Variants in DECR2 observed in about 807,000 individuals in gnomAD.
The protein encoded by DECR2 is 2,4-dienoyl-CoA reductase 2, also known as peroxisomal 2,4-dienoyl-CoA reductase [(3E)-enoyl-CoA-producing].
In DECR2, 34 loss-of-function variants were observed where a neutral mutation model predicts 29.2. That is an observed-to-expected ratio of 1.16 (90% CI 0.89 to 1.55). DECR2 has a LOEUF of 1.55. DECR2 is among the 40% of genes most tolerant of loss of function. The probability of loss-of-function intolerance (pLI) is 0.00; values close to 1 mark genes in which losing one functional copy is unlikely to be tolerated. For synonymous variants in DECR2, 224 were observed against 182.7 expected, an observed-to-expected ratio of 1.23 and a Z score of -1.82; for missense variants, 485 against 425.3, an observed-to-expected ratio of 1.14 and a Z score of -1.23.
At position 410,668 on chromosome 16, in the gene DECR2, GC is replaced by G. The variant is rs1318679921; in HGVS notation, c.463-19del. The G allele has an allele frequency of 6.3e-6, 10 of 1,584,320 alleles. No homozygotes were observed. Among genetic ancestry groups the G allele is most frequent in the Non-Finnish European group, 8.6e-6 (10 of 1,166,268 alleles). On this transcript the variant is annotated intron_variant, in intron 5 of 8. Coordinates refer to ENST00000219481, the MANE Select transcript of DECR2 (RefSeq NM_020664.4). The surrounding 1 kb of genome is among the most constrained non-coding windows in gnomAD (Gnocchi z 4.1). ...CTCCCCCGACACCCGCCCGCTCACTGCCCCGGGCCTTGTGTGTTGCAGGACC... is the reference window on the plus strand; with the variant it reads ...CTCCCCCGACACCCGCCCGCTCACTGCCCGGGCCTTGTGTGTTGCAGGACC...
In DECR2 at chr16:410,836, C is replaced by G. The variant is rs754528043; in HGVS notation, c.556+52C>G. 10 of 1,529,840 alleles carry G rather than the reference C, an allele frequency of 6.5e-6. No homozygotes were observed. In the South Asian group the frequency reaches 7.2e-5, roughly 11 times the overall value. 94.8% of individuals were successfully genotyped at this position (1,529,840 alleles called of 1,614,324 possible). ...TTGCCCACGTGGGTCCCCAATGGGC[C>G]GTCTGCTTCCATCCCAGGAGGCCAG... is the stretch of plus-strand genomic sequence containing the variant. On this transcript the variant is annotated intron_variant, in intron 6 of 8. Coordinates refer to ENST00000219481, the MANE Select transcript of DECR2 (RefSeq NM_020664.4). This position sits in a 1 kb window ranked among gnomAD's most constrained non-coding sequence, Gnocchi z 4.1.
intron 4 of DECR2, among the ~76,000 whole-genome samples, chr16:408,824 C>T (rs1174332123): frequency 7.0e-6 from 1 of 143,300 alleles, no homozygotes; most frequent in Admixed American, 7.2e-5. Flanking sequence ...TAGAAGCTAG[C>T]CTGGCCTAGC....
At chr16:404,885 T>C (rs2141805362) in intron 1 of DECR2, 71 bp from the exon 2 acceptor site, 1 of 1,539,646 alleles carries the variant, frequency 6.5e-7, no homozygotes, top group Non-Finnish European at 8.9e-7. Flanking sequence ...ACCTTGGCCT[T>C]CCAAAGTGCT....
intron 3 of DECR2, 191 bp from the exon 4 acceptor site, chr16:407,234 A>G: frequency 7.1e-7 from 1 of 1,402,440 alleles, no homozygotes; most frequent in Non-Finnish European, 9.3e-7. Flanking sequence ...GTGGGGGGAG[A>G]GCGTGGCAGG....
At position 407,235 on chromosome 16, in the gene DECR2, G is replaced by C. The variant is rs577599030; in HGVS notation, c.202-190G>C. 5 of 1,408,326 alleles carry C rather than the reference G, an allele frequency of 3.6e-6. No individual in the cohort carries two copies. The East Asian group carries it at 7.7e-5, about 22-fold the overall frequency. 87.2% of individuals were successfully genotyped at this position (1,408,326 alleles called of 1,614,324 possible). ...AGGACAGGTGGCAGGTGGGGGGAGA[G>C]CGTGGCAGGTTCCCACAAACATCCA... On this transcript the variant is annotated intron_variant, in intron 3 of 8. Transcript: ENST00000219481.
chr16:408,737 A>T (rs1439373862), intron 4 of DECR2, among the ~76,000 whole-genome samples: 2 of 151,964 alleles, frequency 1.3e-5, no homozygotes, highest in African/African-American at 4.8e-5. Context: ...GGCCAGTCTC[A>T]AACTCCTAGG....
rs539210689 is a variant in DECR2 at position 402,905 on chromosome 16, A to G, written c.80+862A>G. ...GAGGCTGAGGCAGGAGAATCACTTG[A>G]ACTCGGGAGGTGGAGGTTGCAGTGA... On this transcript the variant is annotated intron_variant, in intron 1 of 8. Transcript: ENST00000219481. The G allele has an allele frequency of 7.1e-5, 25 of 352,456 alleles. No homozygotes were observed. In the South Asian group the frequency reaches 2.8e-3, roughly 39 times the overall value. The allele number at this position is 352,456 out of a possible 1,614,324, so 21.8% of individuals were successfully genotyped here.
rs373095907 is a variant in DECR2, at chr16:407,517, C to G, written c.294C>G (p.Asp98Glu). 1.9e-6 allele frequency: 3 copies of G among 1,614,056 alleles called. No homozygotes were observed. ...CCCCAGCTGTCATGGCCGCCGTGGACCAGGCTCTGAAGGAGTTTGGCAGAA... is the reference window on the plus strand; with the variant it reads ...CCCCAGCTGTCATGGCCGCCGTGGAGCAGGCTCTGAAGGAGTTTGGCAGAA... ...RAPPAVMAAVDQALKEFGRID... is the reference protein window; with the variant it reads ...RAPPAVMAAVEQALKEFGRID... Residue 98 changes from aspartate to glutamate, a missense_variant, in exon 4 of 9, where the codon GAC becomes GAG. Transcript: ENST00000219481.
intron 4 of DECR2, 53 bp downstream of exon 4, chr16:407,613 T>C: frequency 6.2e-7 from 1 of 1,604,896 alleles, no homozygotes; most frequent in Non-Finnish European, 8.5e-7. Context: ...GTGGTACCAT[T>C]TGGAGGCCCT....
intron 2 of DECR2, chr16:405,767 A>C: frequency 4.8e-6 from 2 of 413,456 alleles, no homozygotes; most frequent in Non-Finnish European, 9.6e-6. Context: ...TCTATACCAC[A>C]GGGAAAGGGG....
At chr16:404,181 TAAAA>T (rs1381456352) in intron 1 of DECR2, among the ~76,000 whole-genome samples, 109 of 151,222 alleles carry the variant, frequency 7.2e-4, no homozygotes, top group African/African-American at 2.5e-3. Context: ...TCAAAAAAAA[TAAAA>T]AATAAATAAA....
At chr16:402,163 T>C (rs1597193540) in intron 1 of DECR2, 120 bp downstream of exon 1, 1 of 681,874 alleles carries the variant, frequency 1.5e-6, no homozygotes, top group Non-Finnish European at 2.0e-6. Flanking sequence ...CTGGCTCCTT[T>C]CTTTCTTTTT....
chr16:408,384 T>C (rs1480246190), intron 4 of DECR2, among the ~76,000 whole-genome samples: 2 of 151,970 alleles, frequency 1.3e-5, no homozygotes, highest in Admixed American at 6.6e-5. Flanking sequence ...GCCCTCTGTC[T>C]CCGGCCTGAC....
At chr16:404,679 G>T (rs1278738810) in intron 1 of DECR2, among the ~76,000 whole-genome samples, 1 of 151,666 alleles carries the variant, frequency 6.6e-6, no homozygotes, top group East Asian at 1.9e-4. Flanking sequence ...GCCCAGGCTG[G>T]AGTGCAGTGG....
intron 4 of DECR2, among the ~76,000 whole-genome samples, chr16:408,332 G>GC: frequency 6.6e-6 from 1 of 151,710 alleles, no homozygotes; most frequent in South Asian, 2.1e-4. Flanking sequence ...TCTGTCTCTG[G>GC]CCCTCTGTCT....
Position 410,061 on chromosome 16 carries a change from G to T in DECR2, c.338-182G>T. The T allele has an allele frequency of 1.3e-6, 1 of 799,824 alleles. No individual in the cohort carries two copies. Among genetic ancestry groups the T allele is most frequent in the Non-Finnish European group, 1.9e-6 (1 of 523,306 alleles). 49.5% of individuals were successfully genotyped at this position (799,824 alleles called of 1,614,324 possible). On this transcript the variant is annotated intron_variant, in intron 4 of 8. Transcript: ENST00000219481. The surrounding 1 kb of genome is among the most constrained non-coding windows in gnomAD (Gnocchi z 4.1). Reference sequence around the variant, plus strand: ...TGTCTTCTCTTCTCGGGGACACAGTGCAGCCAGGACGCCCGTCTTGCTCTG... The same window carrying T: ...TGTCTTCTCTTCTCGGGGACACAGTTCAGCCAGGACGCCCGTCTTGCTCTG...
At position 406,468 on chromosome 16, in the gene DECR2, A is replaced by G. The variant is rs1002864346; in HGVS notation, c.201+71A>G. ...GGGCTGGGGCTGGGCCTGGGCCAGG[A>G]GAGTCCAGAGGCTATGGGGATGTTG... On this transcript the variant is annotated intron_variant, in intron 3 of 8. Transcript: ENST00000219481. 1.9e-6 allele frequency: 3 copies of G among 1,540,486 alleles called. No individual in the cohort carries two copies. The Admixed American group carries it at 5.1e-5, about 26-fold the overall frequency.
Position 407,474 on chromosome 16 carries a change from CTA to C in DECR2, c.253_254del (p.Met85GlyfsTer27). 1 of 1,613,616 alleles carries C rather than the reference CTA, an allele frequency of 6.2e-7. No individual in the cohort carries two copies. Among genetic ancestry groups the C allele is most frequent in the South Asian group, 1.1e-5 (1 of 91,080 alleles). On this transcript the variant is annotated frameshift_variant, in exon 4 of 9. Coordinates refer to ENST00000219481, the MANE Select transcript of DECR2 (RefSeq NM_020664.4). LOFTEE classifies it high-confidence loss of function. ...ACCGGCCGGCGCTGCCTCCCTCTCT[CTA>C]TGGACGTCCGAGCGCCCCCAGCTGT...
chr16:409,905 T>C, intron 4 of DECR2: 1 of 283,500 alleles, frequency 3.5e-6, no homozygotes, highest in Non-Finnish European at 6.8e-6. Flanking sequence ...TCCCTTGTTA[T>C]AAGGATGCTG....
Sources: allele counts gnomAD v4.1 joint callset (sites outside exome capture counted in the v4.1 genomes callset), GRCh38; gene constraint gnomAD v4.1.1; non-coding constraint Gnocchi (gnomAD v3.1); transcripts MANE v1.5; gene names NCBI Gene and HGNC (gene_info 2026-07-23, HGNC 2026-07-21).